RSU1: variants seen among roughly 807,000 people sequenced by gnomAD.
The protein encoded by RSU1 is Ras suppressor protein 1, also known as rsu-1.
RSU1 carries 26 observed loss-of-function variants against 31.1 expected under a neutral mutation model. The ratio of observed to expected loss-of-function variants is 0.84; its 90% CI spans 0.61 to 1.16. RSU1 has a LOEUF of 1.16. Ranked by LOEUF, RSU1 falls within the 50% of genes most tolerant of loss-of-function variation. The pLI is 0.00. For missense variants in RSU1, 320 were observed against 339.1 expected, an observed-to-expected ratio of 0.94 and a Z score of 0.44; for synonymous variants, 164 against 136.3, an observed-to-expected ratio of 1.20 and a Z score of -1.41.
intron 8 of RSU1, among the ~76,000 whole-genome samples, chr10:16,614,930 TATAAC>T (rs1362188534): frequency 6.6e-6 from 1 of 152,020 alleles, no homozygotes; most frequent in Non-Finnish European, 1.5e-5. Context: ...ACTGCAAAAA[TATAAC>T]AAAATATAAA....
At chr10:16,610,213 G>A (rs546561649) in intron 8 of RSU1, among the ~76,000 whole-genome samples, 9 of 152,226 alleles carry the variant, frequency 5.9e-5, no homozygotes, top group African/African-American at 1.2e-4. Flanking sequence ...CACACTGTCC[G>A]TCAGACAAGC....
chr10:16,731,202 T>C (rs1390559911), intron 7 of RSU1, among the ~76,000 whole-genome samples: 1 of 152,106 alleles, frequency 6.6e-6, no homozygotes, highest in Non-Finnish European at 1.5e-5. Context: ...ACCATTTTTA[T>C]ATCAAGGTGG....
chr10:16,673,407 C>T lies in RSU1; in HGVS notation c.731+21616G>A, dbSNP rs186254228. ...TTAAAATGAAACCATGTTATTTCCA[C>T]ATTTTAGGAGAAAGAAACAAAATAC... On this transcript the variant is annotated intron_variant, in intron 8 of 8. Coordinates refer to ENST00000345264, the MANE Select transcript of RSU1 (RefSeq NM_012425.4). Among the ~76,000 whole-genome samples, 67 of 152,314 alleles carry T rather than the reference C, an allele frequency of 4.4e-4. No homozygotes were observed. In the East Asian group the frequency reaches 0.011, roughly 24 times the overall value.
chr10:16,765,029 G>A (rs2131632047), intron 3 of RSU1, among the ~76,000 whole-genome samples: 1 of 152,028 alleles, frequency 6.6e-6, no homozygotes, highest in African/African-American at 2.4e-5. Context: ...GAGAATTTCT[G>A]TACCACAAAC....
chr10:16,635,710 C>A (rs952893962), intron 8 of RSU1, among the ~76,000 whole-genome samples: 2 of 152,240 alleles, frequency 1.3e-5, no homozygotes, highest in African/African-American at 4.8e-5. Context: ...CATTCCTTAA[C>A]CCTACATCCT....
chr10:16,798,421 A>C (rs2131668388), intron 2 of RSU1, among the ~76,000 whole-genome samples: 1 of 152,306 alleles, frequency 6.6e-6, no homozygotes, highest in South Asian at 2.1e-4. Flanking sequence ...CCGGGTGGAG[A>C]TAACTGAATC....
At chr10:16,680,306 C>T (rs1188256145) in intron 8 of RSU1, among the ~76,000 whole-genome samples, 1 of 151,880 alleles carries the variant, frequency 6.6e-6, no homozygotes, top group Non-Finnish European at 1.5e-5. Flanking sequence ...GAAGCCTGGA[C>T]ATAAGAAAGG....
chr10:16,802,686 A>G (rs936233267), intron 2 of RSU1, among the ~76,000 whole-genome samples: 2 of 152,096 alleles, frequency 1.3e-5, no homozygotes, highest in African/African-American at 4.8e-5. Context: ...CTAAGAGTAC[A>G]CACAATGACC....
chr10:16,619,630 T>C (rs1588677827), intron 8 of RSU1, among the ~76,000 whole-genome samples: 1 of 152,266 alleles, frequency 6.6e-6, no homozygotes, highest in Non-Finnish European at 1.5e-5. Flanking sequence ...AGCTCAATGG[T>C]ACATCAAATA....
At chr10:16,599,709 G>T (rs927851192) in intron 8 of RSU1, among the ~76,000 whole-genome samples, 1 of 152,228 alleles carries the variant, frequency 6.6e-6, no homozygotes, top group Non-Finnish European at 1.5e-5. Flanking sequence ...GACAGCTGCC[G>T]CTTCTAACCT....
intron 8 of RSU1, among the ~76,000 whole-genome samples, chr10:16,648,832 A>G (rs1834626810): frequency 6.6e-6 from 1 of 152,076 alleles, no homozygotes; most frequent in Admixed American, 6.5e-5. Context: ...TTTACTATTA[A>G]GAACAGGAAA....
At chr10:16,682,162 C>T (rs1588712223) in intron 8 of RSU1, among the ~76,000 whole-genome samples, 1 of 152,098 alleles carries the variant, frequency 6.6e-6, no homozygotes, top group Non-Finnish European at 1.5e-5. Context: ...ACCAGAGTCC[C>T]AAGATGGGAC....
intron 8 of RSU1, among the ~76,000 whole-genome samples, chr10:16,655,206 C>T (rs1834757800): frequency 6.6e-6 from 1 of 152,102 alleles, no homozygotes; most frequent in African/African-American, 2.4e-5. Flanking sequence ...TTATAATTCT[C>T]TCTCAAATGA....
intron 3 of RSU1, chr10:16,767,381 A>G (rs1475873545): frequency 6.6e-6 from 1 of 152,180 alleles, no homozygotes; most frequent in Non-Finnish European, 1.5e-5. Flanking sequence ...ATGAGAGATT[A>G]TTTCACTCTC....
At chr10:16,777,498 C>T (rs954820175) in intron 3 of RSU1, among the ~76,000 whole-genome samples, 1 of 152,140 alleles carries the variant, frequency 6.6e-6, no homozygotes, top group African/African-American at 2.4e-5. Context: ...ACTGTGTAAG[C>T]AGCAATAGCA....
chr10:16,778,216 T>C (rs1781666309), intron 3 of RSU1, among the ~76,000 whole-genome samples: 1 of 151,858 alleles, frequency 6.6e-6, no homozygotes, highest in Non-Finnish European at 1.5e-5. Flanking sequence ...AGGCTGAAGG[T>C]CATGTATCTT....
intron 4 of RSU1, 53 bp downstream of exon 4, chr10:16,764,337 C>T: frequency 6.5e-7 from 1 of 1,534,230 alleles, no homozygotes; most frequent in Non-Finnish European, 8.8e-7. Flanking sequence ...CCTTACCCGG[C>T]ATGCCCCTTC....
chr10:16,682,320 T>C (rs1835340890), intron 8 of RSU1, among the ~76,000 whole-genome samples: 1 of 152,114 alleles, frequency 6.6e-6, no homozygotes. Flanking sequence ...AGCCTCTAAA[T>C]GCTTATAGTT....
chr10:16,794,805 C>A (rs1837993293), intron 2 of RSU1, among the ~76,000 whole-genome samples: 1 of 152,118 alleles, frequency 6.6e-6, no homozygotes, highest in Admixed American at 6.5e-5. Context: ...TAATATAAAC[C>A]TGAATGGAAA....
Sources: gnomAD v4.1 joint callset for allele counts (sites outside exome capture counted in the v4.1 genomes callset) on GRCh38, gnomAD v4.1.1 for gene constraint, MANE v1.5 for transcripts, NCBI Gene and HGNC (gene_info 2026-07-23, HGNC 2026-07-21) for gene names.